The following CA10 variants were observed in gnomAD, a reference collection of about 807,000 sequenced individuals.
CA10 encodes the protein carbonic anhydrase-related protein 10.
A neutral mutation model predicts 44.2 loss-of-function variants in CA10; 14 were observed. That is an observed-to-expected ratio of 0.32 (90% CI 0.21 to 0.50). The LOEUF (loss-of-function observed/expected upper bound fraction) is 0.50. Among genes scored for constraint, CA10 ranks in the 20% least tolerant of loss-of-function variants. The pLI, the probability that CA10 is intolerant of heterozygous loss-of-function variation, is 0.99. For synonymous variants in CA10, 159 were observed against 141.6 expected (o/e 1.12, Z -0.87); for missense variants, 350 against 409.7 (o/e 0.85, Z 1.26).
intron 4 of CA10, among the ~76,000 whole-genome samples, chr17:51,717,758 C>CATATATGCATGTATATATACAT (rs1461861805): frequency 5.4e-5 from 1 of 18,446 alleles, no homozygotes; most frequent in African/African-American, 2.0e-4. Flanking sequence ...TGTATATATA[C>CATATATGCATGTATATATACAT]GTATATATGT....
At chr17:51,838,949 T>C (rs1265769562) in intron 3 of CA10, among the ~76,000 whole-genome samples, 6 of 152,238 alleles carry the variant, frequency 3.9e-5, no homozygotes, top group Non-Finnish European at 5.9e-5. Context: ...TTTTCTTTCC[T>C]ACAAAATCGT....
intron 3 of CA10, among the ~76,000 whole-genome samples, chr17:51,857,590 C>T (rs1979106398): frequency 6.6e-6 from 1 of 152,138 alleles, no homozygotes; most frequent in Non-Finnish European, 1.5e-5. Context: ...GGCTGAGACA[C>T]ACACGGCTTC....
At chr17:52,001,231 A>C (rs1985414852) in intron 2 of CA10, among the ~76,000 whole-genome samples, 1 of 152,034 alleles carries the variant, frequency 6.6e-6, no homozygotes, top group African/African-American at 2.4e-5. Flanking sequence ...ACAAAGCAGA[A>C]TATGCAACAG....
chr17:52,057,251 C>T (rs949082161), intron 2 of CA10, among the ~76,000 whole-genome samples: 1 of 152,012 alleles, frequency 6.6e-6, no homozygotes, highest in Non-Finnish European at 1.5e-5. Context: ...GCCTGCCCAT[C>T]CTGCTTCCCC....
chr17:52,002,756 T>C (rs1985468251), intron 2 of CA10, among the ~76,000 whole-genome samples: 1 of 152,078 alleles, frequency 6.6e-6, no homozygotes, highest in Non-Finnish European at 1.5e-5. Context: ...ATTCAGGGAC[T>C]CCGTAGACAT....
chr17:51,704,364 C>A (rs1219018337), intron 4 of CA10, among the ~76,000 whole-genome samples: 1 of 152,178 alleles, frequency 6.6e-6, no homozygotes, highest in Non-Finnish European at 1.5e-5. Context: ...AAGCACAAGG[C>A]GTTAAGTCAA....
intron 7 of CA10, among the ~76,000 whole-genome samples, chr17:51,634,348 T>C (rs1912729110): frequency 6.6e-6 from 1 of 152,214 alleles, no homozygotes; most frequent in African/African-American, 2.4e-5. Flanking sequence ...CTGTTGCCTG[T>C]CACCCAGTGG....
chr17:51,760,221 G>T (rs1306660223), intron 3 of CA10, among the ~76,000 whole-genome samples: 2 of 152,232 alleles, frequency 1.3e-5, no homozygotes, highest in Admixed American at 6.5e-5. Context: ...CTTGATGCCA[G>T]TTTTTCAAAG....
intron 2 of CA10, among the ~76,000 whole-genome samples, chr17:51,997,608 C>T (rs1985281253): frequency 6.6e-6 from 1 of 152,032 alleles, no homozygotes; most frequent in African/African-American, 2.4e-5. Context: ...AAGTTCTTCT[C>T]ACACTCTCCA....
intron 3 of CA10, among the ~76,000 whole-genome samples, chr17:51,779,215 G>T (rs1430718446): frequency 3.3e-5 from 5 of 152,076 alleles, no homozygotes; most frequent in Admixed American, 6.6e-5. Context: ...GGAGGGGCCT[G>T]GTGTCTCGGG....
intron 1 of CA10, among the ~76,000 whole-genome samples, chr17:52,087,432 G>A (rs560528618): frequency 2.6e-5 from 4 of 152,276 alleles, no homozygotes; most frequent in South Asian, 2.1e-4. Flanking sequence ...GTGAGCCACC[G>A]CACCTGGCCC....
intron 3 of CA10, among the ~76,000 whole-genome samples, chr17:51,852,587 A>C (rs1446315403): frequency 6.6e-6 from 1 of 152,208 alleles, no homozygotes; most frequent in Non-Finnish European, 1.5e-5. Context: ...ATTTAAATCC[A>C]GGTCTGAATC....
intron 2 of CA10, among the ~76,000 whole-genome samples, chr17:51,939,502 G>GT (rs1982994812): frequency 6.6e-6 from 1 of 152,042 alleles, no homozygotes; most frequent in African/African-American, 2.4e-5. Flanking sequence ...AAAGATACTG[G>GT]TAGTGACTAT....
intron 3 of CA10, among the ~76,000 whole-genome samples, chr17:51,929,410 A>G (rs1272781565): frequency 6.6e-6 from 1 of 152,154 alleles, no homozygotes; most frequent in East Asian, 1.9e-4. Flanking sequence ...ACACTGCCTC[A>G]GGACCTGCCC....
chr17:51,692,236 G>GTT lies in CA10; in HGVS notation c.466-38502_466-38501dup, dbSNP rs34052168. On this transcript the variant is annotated intron_variant, in intron 4 of 8. Transcript: ENST00000451037. ...CTTCTTTGGTTAATTTATTCTTAGG[G>GTT]TTTTTTTTTTTTTTTTGGTAGCTAT... Among the ~76,000 whole-genome samples, 1,001 of 128,194 alleles carry GTT rather than the reference G, an allele frequency of 7.8e-3. 7 individuals are homozygous for GTT. Among genetic ancestry groups the GTT allele is most frequent in the African/African-American group, 0.017 (600 of 34,782 alleles). 84.1% of individuals were successfully genotyped at this position (128,194 alleles called of 152,430 possible).
intron 2 of CA10, among the ~76,000 whole-genome samples, chr17:51,952,110 G>A (rs150354577): frequency 6.6e-6 from 1 of 152,144 alleles, no homozygotes; most frequent in Admixed American, 6.6e-5. Context: ...GAATAGAACA[G>A]CTTGCATGAA....
At chr17:51,643,236 CT>C (rs1300997960) in intron 6 of CA10, among the ~76,000 whole-genome samples, 1 of 151,918 alleles carries the variant, frequency 6.6e-6, no homozygotes, top group African/African-American at 2.4e-5. Context: ...AAGAATACTA[CT>C]TTTTATTTAA....
intron 3 of CA10, among the ~76,000 whole-genome samples, chr17:51,811,686 T>C (rs2143740297): frequency 6.6e-6 from 1 of 152,324 alleles, no homozygotes; most frequent in East Asian, 1.9e-4. Context: ...AGTCTATCAT[T>C]GATGGACATT....
At chr17:51,921,308 C>G (rs1361282768) in intron 3 of CA10, among the ~76,000 whole-genome samples, 1 of 152,148 alleles carries the variant, frequency 6.6e-6, no homozygotes, top group Non-Finnish European at 1.5e-5. Flanking sequence ...CCACGGGTCT[C>G]CATGAAACAG....
Sources: allele counts gnomAD v4.1 joint callset (sites outside exome capture counted in the v4.1 genomes callset), GRCh38; gene constraint gnomAD v4.1.1; transcripts MANE v1.5; gene names NCBI Gene and HGNC (gene_info 2026-07-23, HGNC 2026-07-21).